The following STXBP5L variants were observed in gnomAD, a reference collection of about 807,000 sequenced individuals.
STXBP5L encodes syntaxin-binding protein 5-like.
A neutral mutation model predicts 144.5 loss-of-function variants in STXBP5L; 65 were observed. That is an observed-to-expected ratio of 0.45 (90% CI 0.37 to 0.55). The LOEUF (loss-of-function observed/expected upper bound fraction) is 0.55. Among genes scored for constraint, STXBP5L ranks in the 20% least tolerant of loss-of-function variants. The pLI, the probability that STXBP5L is intolerant of heterozygous loss-of-function variation, is 0.00. For missense variants in STXBP5L, 1,298 were observed against 1,405.5 expected, an observed-to-expected ratio of 0.92 and a Z score of 1.22; for synonymous variants, 505 against 469.6, an observed-to-expected ratio of 1.08 and a Z score of -0.97.
chr3:121,378,258 G>A (rs1390851871), intron 20 of STXBP5L, among the ~76,000 whole-genome samples: 1 of 152,154 alleles, frequency 6.6e-6, no homozygotes, highest in East Asian at 1.9e-4. Context: ...TATAGGTACA[G>A]CAAACCACCA....
chr3:121,103,596 T>C (rs2043543953), intron 5 of STXBP5L, among the ~76,000 whole-genome samples: 1 of 152,156 alleles, frequency 6.6e-6, no homozygotes, highest in African/African-American at 2.4e-5. Context: ...TCACTCAATA[T>C]ACCCATGCAG....
At chr3:120,984,632 CTTTTTTTTTT>C (rs35656223) in intron 3 of STXBP5L, among the ~76,000 whole-genome samples, 1 of 71,960 alleles carries the variant, frequency 1.4e-5, no homozygotes, top group Non-Finnish European at 2.4e-5. Context: ...TCTTTCTTTC[CTTTTTTTTTT>C]TTTTTTTTTT....
intron 19 of STXBP5L, among the ~76,000 whole-genome samples, chr3:121,316,151 T>G (rs2043780030): frequency 6.6e-6 from 1 of 152,242 alleles, no homozygotes; most frequent in African/African-American, 2.4e-5. Flanking sequence ...AAATAATGAT[T>G]GTTCTGAATA....
intron 9 of STXBP5L, among the ~76,000 whole-genome samples, chr3:121,188,929 A>C (rs1272619432): frequency 2.0e-5 from 3 of 152,216 alleles, no homozygotes; most frequent in Non-Finnish European, 4.4e-5. Context: ...CACCACTCCT[A>C]TTCAACATAG....
At chr3:121,362,143 G>GTC (rs367868375) in intron 20 of STXBP5L, among the ~76,000 whole-genome samples, 122 of 151,504 alleles carry the variant, frequency 8.1e-4, no homozygotes, top group African/African-American at 2.7e-3. Context: ...AACATACAGA[G>GTC]TCTCTCTCTC....
intron 3 of STXBP5L, among the ~76,000 whole-genome samples, chr3:120,999,470 A>G (rs1297994560): frequency 6.6e-6 from 1 of 152,212 alleles, no homozygotes; most frequent in Non-Finnish European, 1.5e-5. Flanking sequence ...GTGTCATTAC[A>G]CGTGACATTG....
intron 20 of STXBP5L, among the ~76,000 whole-genome samples, chr3:121,346,867 A>G (rs558978633): frequency 6.6e-6 from 1 of 152,160 alleles, no homozygotes; most frequent in South Asian, 2.1e-4. Flanking sequence ...TTGTCAGATG[A>G]GTAGGTTGCA....
chr3:120,996,845 T>G (rs974527318), intron 3 of STXBP5L, among the ~76,000 whole-genome samples: 7 of 152,152 alleles, frequency 4.6e-5, no homozygotes, highest in Non-Finnish European at 8.8e-5. Flanking sequence ...CATGTTCAGG[T>G]TTGTTACATG....
At chr3:121,097,465 G>C (rs1292217419) in intron 5 of STXBP5L, among the ~76,000 whole-genome samples, 1 of 152,204 alleles carries the variant, frequency 6.6e-6, no homozygotes, top group Non-Finnish European at 1.5e-5. Context: ...GAACCTCCTG[G>C]TCTGCGGGGT....
intron 20 of STXBP5L, among the ~76,000 whole-genome samples, chr3:121,339,849 G>A (rs900991684): frequency 6.6e-6 from 1 of 151,594 alleles, no homozygotes; most frequent in East Asian, 1.9e-4. Flanking sequence ...ATTTAACCGG[G>A]GAGGTGAAAG....
intron 20 of STXBP5L, among the ~76,000 whole-genome samples, chr3:121,367,646 C>T (rs576069139): frequency 3.5e-5 from 5 of 142,956 alleles, no homozygotes; most frequent in African/African-American, 7.8e-5. Flanking sequence ...CTTTGTCACC[C>T]AGAATAGAAT....
intron 5 of STXBP5L, among the ~76,000 whole-genome samples, chr3:121,085,707 G>T (rs987188251): frequency 6.6e-5 from 10 of 152,260 alleles, no homozygotes; most frequent in Middle Eastern, 3.4e-3. Flanking sequence ...TTCCATGCTT[G>T]TGGATAGGAA....
chr3:120,974,906 C>T (rs1204449441), intron 3 of STXBP5L, among the ~76,000 whole-genome samples: 1 of 152,162 alleles, frequency 6.6e-6, no homozygotes, highest in Non-Finnish European at 1.5e-5. Context: ...ATCTATATCT[C>T]TGTTTTGGTA....
chr3:121,179,970 G>T (rs1266195730), intron 9 of STXBP5L, among the ~76,000 whole-genome samples: 1 of 152,184 alleles, frequency 6.6e-6, no homozygotes, highest in Non-Finnish European at 1.5e-5. Context: ...AATAATTGGT[G>T]TTCCTGAGGA....
chr3:121,238,423 T>C (rs2049553341), intron 12 of STXBP5L, among the ~76,000 whole-genome samples: 1 of 152,050 alleles, frequency 6.6e-6, no homozygotes. Flanking sequence ...CATTAATCAA[T>C]TCATGAAGGA....
Position 121,372,648 on chromosome 3 carries a change from T to A in STXBP5L, c.2177-6068T>A, listed in dbSNP as rs138710911. Among the ~76,000 whole-genome samples, 641 of 152,134 alleles carry A rather than the reference T, an allele frequency of 4.2e-3. 4 individuals carry two copies. The highest frequency in any genetic ancestry group is 0.015 in the African/African-American group (611 of 41,492). Reference sequence around the variant, plus strand: ...TGCAGGTTTCCCAGCTTTCTTCTCCTTTAGCCCAGCCCCTGTGTCTTCCCT... The same window carrying A: ...TGCAGGTTTCCCAGCTTTCTTCTCCATTAGCCCAGCCCCTGTGTCTTCCCT... On this transcript the variant is annotated intron_variant, in intron 20 of 26. Coordinates refer to ENST00000471454, the MANE Select transcript of STXBP5L (RefSeq NM_001308330.2).
chr3:121,178,676 A>G (rs1318802606), intron 9 of STXBP5L, among the ~76,000 whole-genome samples: 1 of 152,166 alleles, frequency 6.6e-6, no homozygotes, highest in Non-Finnish European at 1.5e-5. Context: ...TCACAGGAGA[A>G]GGCTTTAACC....
At chr3:121,173,210 A>G (rs886408971) in intron 9 of STXBP5L, among the ~76,000 whole-genome samples, 3 of 152,072 alleles carry the variant, frequency 2.0e-5, no homozygotes, top group Non-Finnish European at 4.4e-5. Flanking sequence ...GGATAGCATT[A>G]GGAGAAATAC....
At chr3:121,103,658 T>C (rs1003381932) in intron 5 of STXBP5L, among the ~76,000 whole-genome samples, 4 of 152,044 alleles carry the variant, frequency 2.6e-5, no homozygotes, top group African/African-American at 9.7e-5. Context: ...AAATTATTTT[T>C]AAAAACCACA....
Sources: gnomAD v4.1 joint callset for allele counts (sites outside exome capture counted in the v4.1 genomes callset) on GRCh38, gnomAD v4.1.1 for gene constraint, MANE v1.5 for transcripts, NCBI Gene and HGNC (gene_info 2026-07-23, HGNC 2026-07-21) for gene names.